DCDC2C: variants seen among roughly 807,000 people sequenced by gnomAD.
DCDC2C encodes doublecortin domain containing 2C.
In DCDC2C, 44 loss-of-function variants were observed where a neutral mutation model predicts 45.0. The ratio of observed to expected loss-of-function variants is 0.98; its 90% confidence interval spans 0.77 to 1.26. The LOEUF is 1.26. Ranked by LOEUF, DCDC2C falls within the 50% of genes most tolerant of loss-of-function variation. The probability of loss-of-function intolerance (pLI) is 0.00; values close to 1 mark genes in which losing one functional copy is unlikely to be tolerated. For synonymous variants in DCDC2C, 187 were observed against 178.8 expected (o/e 1.05, Z -0.37); for missense variants, 447 against 468.9 (o/e 0.95, Z 0.43).
intron 2 of DCDC2C, among the ~76,000 whole-genome samples, chr2:3,708,841 G>A (rs1457855889): frequency 6.6e-6 from 1 of 152,200 alleles, no homozygotes; most frequent in East Asian, 1.9e-4. Flanking sequence ...TCATCTCTGA[G>A]GCACACCGTG....
intron 10 of DCDC2C, among the ~76,000 whole-genome samples, chr2:3,800,238 G>C (rs1186130781): frequency 6.6e-6 from 1 of 152,166 alleles, no homozygotes; most frequent in African/African-American, 2.4e-5. Flanking sequence ...CGCACACGGT[G>C]CGCGCACCCA....
chr2:3,812,969 T>C (rs539864940), intron 10 of DCDC2C, among the ~76,000 whole-genome samples: 1 of 151,594 alleles, frequency 6.6e-6, no homozygotes, highest in African/African-American at 2.4e-5. Flanking sequence ...TTCTTTTGCA[T>C]TTGCTGAGTG....
intron 8 of DCDC2C, among the ~76,000 whole-genome samples, chr2:3,778,190 T>C (rs1041326006): frequency 6.6e-6 from 1 of 152,096 alleles, no homozygotes; most frequent in African/African-American, 2.4e-5. Context: ...ACGGGACTCC[T>C]CCCGGCCAGC....
intron 10 of DCDC2C, among the ~76,000 whole-genome samples, chr2:3,801,778 G>A (rs1241665814): frequency 6.6e-6 from 1 of 152,240 alleles, no homozygotes; most frequent in East Asian, 1.9e-4. Flanking sequence ...CAGCATGCAT[G>A]CTGACCCAGC....
intron 10 of DCDC2C, among the ~76,000 whole-genome samples, chr2:3,816,945 C>T (rs368053798): frequency 1.1e-4 from 17 of 152,186 alleles, no homozygotes; most frequent in Middle Eastern, 3.2e-3. Flanking sequence ...GGCGGACTAG[C>T]GGCTTGTAAC....
chr2:3,803,845 G>A (rs1402694084), intron 10 of DCDC2C, among the ~76,000 whole-genome samples: 2 of 152,194 alleles, frequency 1.3e-5, no homozygotes. Context: ...GGCTGGTGCA[G>A]GTCAGCCCCT....
intron 4 of DCDC2C, among the ~76,000 whole-genome samples, chr2:3,743,453 A>G (rs1444357422): frequency 2.0e-5 from 3 of 152,144 alleles, no homozygotes; most frequent in African/African-American, 4.8e-5. Flanking sequence ...CGGAATACAC[A>G]TTTTTCTCAA....
chr2:3,721,991 A>T (rs1470172555), intron 2 of DCDC2C, among the ~76,000 whole-genome samples: 1 of 152,238 alleles, frequency 6.6e-6, no homozygotes, highest in East Asian at 1.9e-4. Flanking sequence ...CAGCGTGAAA[A>T]CAAACTAATA....
At chr2:3,704,725 G>A (rs1219276472) in intron 1 of DCDC2C, among the ~76,000 whole-genome samples, 1 of 108,844 alleles carries the variant, frequency 9.2e-6, no homozygotes, top group Non-Finnish European at 1.8e-5. Flanking sequence ...GAGGGGCGTG[G>A]GGGGGAGGGG....
chr2:3,745,911 C>T (rs1250878142), intron 4 of DCDC2C, among the ~76,000 whole-genome samples: 2 of 151,592 alleles, frequency 1.3e-5, no homozygotes, highest in African/African-American at 4.9e-5. Context: ...TGAGGTCTTG[C>T]CATGTTGCCC....
At chr2:3,839,153 G>T (rs1672151209) in intron 10 of DCDC2C, among the ~76,000 whole-genome samples, 1 of 152,156 alleles carries the variant, frequency 6.6e-6, no homozygotes, top group Non-Finnish European at 1.5e-5. Flanking sequence ...GATGTAACTT[G>T]CAGTTCCCTG....
chr2:3,799,400 G>A (rs1671047794), intron 10 of DCDC2C, among the ~76,000 whole-genome samples: 1 of 152,166 alleles, frequency 6.6e-6, no homozygotes, highest in Non-Finnish European at 1.5e-5. Context: ...GCTTTGTTCT[G>A]TTGCTGGTGA....
chr2:3,756,371 C>T (rs899704064), intron 6 of DCDC2C, among the ~76,000 whole-genome samples: 1 of 152,226 alleles, frequency 6.6e-6, no homozygotes, highest in African/African-American at 2.4e-5. Flanking sequence ...CCCCTCCCTA[C>T]TGTGACACAC....
chr2:3,707,852 C>G (rs1437065167), intron 1 of DCDC2C, among the ~76,000 whole-genome samples: 1 of 152,182 alleles, frequency 6.6e-6, no homozygotes, highest in Non-Finnish European at 1.5e-5. Flanking sequence ...TAAGTTGACC[C>G]TTCTCTGAAT....
intron 10 of DCDC2C, among the ~76,000 whole-genome samples, chr2:3,835,057 AAGCTTCC>A (rs1672042338): frequency 6.6e-6 from 1 of 152,190 alleles, no homozygotes; most frequent in Non-Finnish European, 1.5e-5. Flanking sequence ...TCTTGCTCCA[AAGCTTCC>A]ATTATTCCCA....
At chr2:3,727,897 G>A (rs189391699) in intron 3 of DCDC2C, among the ~76,000 whole-genome samples, 2 of 152,320 alleles carry the variant, frequency 1.3e-5, no homozygotes, top group Non-Finnish European at 2.9e-5. Flanking sequence ...GCCCCCCAGG[G>A]CTTGTCACAG....
intron 10 of DCDC2C, among the ~76,000 whole-genome samples, chr2:3,846,807 G>T (rs1057153882): frequency 1.3e-5 from 2 of 152,116 alleles, no homozygotes; most frequent in African/African-American, 4.8e-5. Flanking sequence ...CAGGATGGGG[G>T]CTGTGGAGTG....
intron 8 of DCDC2C, among the ~76,000 whole-genome samples, chr2:3,771,343 A>G (rs1572603617): frequency 6.6e-6 from 1 of 152,144 alleles, no homozygotes; most frequent in South Asian, 2.1e-4. Context: ...GATACAAGAA[A>G]ATCCCATGCA....
intron 9 of DCDC2C, 103 bp downstream of exon 9, chr2:3,778,987 C>A: frequency 8.6e-7 from 1 of 1,169,234 alleles, no homozygotes; most frequent in Non-Finnish European, 1.2e-6. Context: ...TCACAAGTCG[C>A]TTCCAAAACA....
Sources: gnomAD v4.1 joint callset for allele counts (sites outside exome capture counted in the v4.1 genomes callset) on GRCh38, gnomAD v4.1.1 for gene constraint, MANE v1.5 for transcripts, NCBI Gene and HGNC (gene_info 2026-07-23, HGNC 2026-07-21) for gene names.